REDIC1: variants seen among roughly 807,000 people sequenced by gnomAD.
The protein encoded by REDIC1 is regulator of DNA class I crossover intermediates 1, also known as HEI10 Interacting Protein 1.
At chr12:39,789,304 T>A in the REDIC1 span, among the ~76,000 whole-genome samples, 1 of 152,108 alleles carries the variant, frequency 6.6e-6, no homozygotes, top group Non-Finnish European at 1.5e-5. Flanking sequence ...TAATGGATTA[T>A]TATATGATTT....
the REDIC1 span, among the ~76,000 whole-genome samples, chr12:39,711,980 T>C: frequency 9.1e-6 from 1 of 110,146 alleles, no homozygotes; most frequent in African/African-American, 3.2e-5. Flanking sequence ...TATATACATG[T>C]CATGTCTATA....
chr12:39,656,872 A>G, the REDIC1 span, among the ~76,000 whole-genome samples: 2 of 152,218 alleles, frequency 1.3e-5, no homozygotes, highest in African/African-American at 2.4e-5. Context: ...CTGTAAAGAA[A>G]AATTTTTTTA....
the REDIC1 span, among the ~76,000 whole-genome samples, chr12:39,714,113 A>G: frequency 7.2e-4 from 102 of 142,468 alleles, no homozygotes; most frequent in African/African-American, 2.8e-3. Flanking sequence ...ACGTATGTAT[A>G]CGTGTATATG....
the REDIC1 span, among the ~76,000 whole-genome samples, chr12:39,836,545 A>G: frequency 6.6e-6 from 1 of 151,088 alleles, no homozygotes; most frequent in East Asian, 2.0e-4. Flanking sequence ...GAGGAAGTCA[A>G]ATTGTCCCTG....
the REDIC1 span, chr12:39,764,341 G>T: frequency 1.1e-6 from 1 of 887,722 alleles, no homozygotes; most frequent in Non-Finnish European, 1.6e-6. Context: ...AAGCCACATG[G>T]AGATACTTAT....
chr12:39,805,937 G>T, the REDIC1 span, among the ~76,000 whole-genome samples: 7 of 152,308 alleles, frequency 4.6e-5, no homozygotes, highest in African/African-American at 1.4e-4. Context: ...CTAACAGCAA[G>T]AGACAATTAA....
At chr12:39,723,252 A>T in the REDIC1 span, among the ~76,000 whole-genome samples, 1 of 152,150 alleles carries the variant, frequency 6.6e-6, no homozygotes, top group African/African-American at 2.4e-5. Flanking sequence ...AACTGTGAAT[A>T]TAATATCTTT....
chr12:39,710,576 C>G, the REDIC1 span, among the ~76,000 whole-genome samples: 1 of 151,770 alleles, frequency 6.6e-6, no homozygotes, highest in Non-Finnish European at 1.5e-5. Context: ...ATTCTTTTCC[C>G]TCTATCCCAT....
At chr12:39,752,749 G>C in the REDIC1 span, among the ~76,000 whole-genome samples, 1 of 152,230 alleles carries the variant, frequency 6.6e-6, no homozygotes, top group Admixed American at 6.5e-5. Flanking sequence ...CCCTGAGGTG[G>C]AAATAAGACA....
the REDIC1 span, among the ~76,000 whole-genome samples, chr12:39,879,450 G>A: frequency 3.3e-5 from 5 of 152,236 alleles, no homozygotes; most frequent in African/African-American, 7.2e-5. Context: ...CAAGGGTAAA[G>A]GTGCCCAAGG....
At chr12:39,863,331 C>T in the REDIC1 span, among the ~76,000 whole-genome samples, 33 of 152,048 alleles carry the variant, frequency 2.2e-4, no homozygotes, top group Admixed American at 2.1e-3. Context: ...AAAACTATTT[C>T]ATTATGTAAA....
At chr12:39,734,711 T>C in the REDIC1 span, among the ~76,000 whole-genome samples, 1 of 152,232 alleles carries the variant, frequency 6.6e-6, no homozygotes, top group Non-Finnish European at 1.5e-5. Flanking sequence ...GTTTGAACTC[T>C]ATTCTGTTTC....
the REDIC1 span, among the ~76,000 whole-genome samples, chr12:39,849,662 C>T: frequency 6.6e-6 from 1 of 152,138 alleles, no homozygotes; most frequent in Non-Finnish European, 1.5e-5. Flanking sequence ...TTCTCTCTGA[C>T]AGGATAATTA....
chr12:39,848,819 C>T, the REDIC1 span, among the ~76,000 whole-genome samples: 2 of 152,178 alleles, frequency 1.3e-5, no homozygotes, highest in Non-Finnish European at 2.9e-5. Flanking sequence ...GGTACATATA[C>T]ACCAGGGAAT....
the REDIC1 span, among the ~76,000 whole-genome samples, chr12:39,853,892 G>A: frequency 6.6e-6 from 1 of 151,756 alleles, no homozygotes; most frequent in African/African-American, 2.4e-5. Context: ...GTGTAGTGAG[G>A]GTAAAATTTC....
At chr12:39,715,658 A>G in the REDIC1 span, among the ~76,000 whole-genome samples, 1 of 151,988 alleles carries the variant, frequency 6.6e-6, no homozygotes, top group Non-Finnish European at 1.5e-5. Context: ...GACACATCAC[A>G]CTACCTGATT....
the REDIC1 span, among the ~76,000 whole-genome samples, chr12:39,737,415 C>T: frequency 1.3e-5 from 2 of 152,194 alleles, no homozygotes; most frequent in African/African-American, 4.8e-5. Context: ...TAACTATAAA[C>T]TATATTGAAC....
chr12:39,720,936 C>G, the REDIC1 span: 1 of 1,613,656 alleles, frequency 6.2e-7, no homozygotes, highest in Non-Finnish European at 8.5e-7. Flanking sequence ...ACAAAATTCA[C>G]AAACAGAATG....
chr12:39,718,196 A>C, the REDIC1 span, among the ~76,000 whole-genome samples: 1 of 152,048 alleles, frequency 6.6e-6, no homozygotes, highest in African/African-American at 2.4e-5. Context: ...CTCCCATCGC[A>C]TTGACCATCC....
Sources: gnomAD v4.1 joint callset for allele counts (sites outside exome capture counted in the v4.1 genomes callset) on GRCh38, gnomAD v4.1.1 for gene constraint, MANE v1.5 for transcripts, NCBI Gene and HGNC (gene_info 2026-07-23, HGNC 2026-07-21) for gene names.